The following CTC1 variants were observed in gnomAD, a reference collection of about 807,000 sequenced individuals.
CTC1 encodes CST complex subunit CTC1.
In CTC1, 91 loss-of-function variants were observed where a neutral mutation model predicts 136.3. The ratio of observed to expected loss-of-function variants is 0.67; its 90% CI spans 0.56 to 0.79. The LOEUF (loss-of-function observed/expected upper bound fraction) is 0.79. Ranked by LOEUF, CTC1 falls within the 30% of genes least tolerant of loss-of-function variation. CTC1 has a pLI of 0.00. For missense variants in CTC1, 1,432 were observed against 1,498.1 expected (o/e 0.96, Z 0.73); for synonymous variants, 606 against 613.8 (o/e 0.99, Z 0.19).
rs949894182 is a variant in CTC1, at chr17:8,226,332, A to T, written c.*1848T>A. On this transcript the variant is annotated 3_prime_UTR_variant, in exon 23 of 23. Transcript: ENST00000651323. ...CCGAAGCTGCCATAAAGGTTCCTGAAATTCATCTACAAGAATATAGAGCTA... is the reference window on the plus strand; with the variant it reads ...CCGAAGCTGCCATAAAGGTTCCTGATATTCATCTACAAGAATATAGAGCTA... The T allele has an allele frequency of 6.6e-6, 1 of 152,150 alleles. No individual in the cohort carries two copies. Among genetic ancestry groups the T allele is most frequent in the Non-Finnish European group, 1.5e-5 (1 of 68,032 alleles). 9.4% of individuals were successfully genotyped at this position (152,150 alleles called of 1,614,324 possible). A position where few individuals can be genotyped will look rare whatever the true frequency, so the allele number is the denominator to read the frequency against.
intron 2 of CTC1, among the ~76,000 whole-genome samples, chr17:8,240,380 T>C (rs1173100380): frequency 6.6e-6 from 1 of 151,084 alleles, no homozygotes; most frequent in African/African-American, 2.4e-5. Context: ...GGTCTCGAAC[T>C]CTTGACCCCG....
intron 5 of CTC1, among the ~76,000 whole-genome samples, chr17:8,236,680 T>A (rs990491073): frequency 6.6e-6 from 1 of 152,160 alleles, no homozygotes; most frequent in Admixed American, 6.6e-5. Flanking sequence ...TATATATGTA[T>A]CCAGTATTGT....
chr17:8,236,435 C>G, intron 5 of CTC1, 93 bp from the exon 6 acceptor site: 3 of 1,351,436 alleles, frequency 2.2e-6, no homozygotes, highest in Non-Finnish European at 3.0e-6. Flanking sequence ...AACTCAGAGA[C>G]CTGCCCTCTG....
intron 1 of CTC1, among the ~76,000 whole-genome samples, chr17:8,245,684 T>C (rs1211891083): frequency 6.6e-6 from 1 of 152,122 alleles, no homozygotes; most frequent in Non-Finnish European, 1.5e-5. Flanking sequence ...TCGCCTGTAA[T>C]CCCAGCACTC....
In CTC1 at chr17:8,236,173, T is replaced by C; in HGVS notation, c.962A>G (p.Glu321Gly). 1 of 1,614,100 alleles carries C rather than the reference T, an allele frequency of 6.2e-7. No homozygotes were observed. Among genetic ancestry groups the C allele is most frequent in the Non-Finnish European group, 8.5e-7 (1 of 1,179,984 alleles). ...KPECVQELELELEGPLLEADP... is the reference protein window; with the variant it reads ...KPECVQELELGLEGPLLEADP... ...AGCCTCTAAGAGGGGTCCTTCCAGC[T>C]CCAGTTCCAGCTCCTGCACACATTC... is the stretch of plus-strand genomic sequence containing the variant. The change falls in exon 6 of 23, where the codon GAG (glutamate) becomes GGG (glycine). Residue 321 changes from glutamate to glycine, a missense_variant. By Grantham distance (98) the Glu-to-Gly change is moderately conservative. Coordinates refer to ENST00000651323, the MANE Select transcript of CTC1 (RefSeq NM_025099.6).
At chr17:8,237,774 T>A (rs550270646) in intron 4 of CTC1, among the ~76,000 whole-genome samples, 1 of 147,888 alleles carries the variant, frequency 6.8e-6, no homozygotes, top group South Asian at 2.2e-4. Context: ...AAGAATAACC[T>A]GGTAATGATA....
chr17:8,230,989 A>T (rs1987167132), intron 15 of CTC1: 1 of 481,170 alleles, frequency 2.1e-6, no homozygotes, highest in African/African-American at 1.9e-5. Context: ...ATACAAAAAA[A>T]CTAGCTGGGT....
chr17:8,236,726 C>T (rs541817173), intron 5 of CTC1, among the ~76,000 whole-genome samples: 212 of 152,292 alleles, frequency 1.4e-3, no homozygotes, highest in African/African-American at 4.9e-3. Context: ...AACTGTTCTT[C>T]TCTAACACAG....
At chr17:8,240,547 GAAA>G (rs1054367112) in intron 2 of CTC1, among the ~76,000 whole-genome samples, 1 of 150,860 alleles carries the variant, frequency 6.6e-6, no homozygotes, top group Non-Finnish European at 1.5e-5. Context: ...TGATAAAAAG[GAAA>G]AAAAACAAAA....
chr17:8,243,627 G>A (rs903136362), intron 1 of CTC1, among the ~76,000 whole-genome samples: 4 of 152,178 alleles, frequency 2.6e-5, no homozygotes, highest in African/African-American at 7.2e-5. Flanking sequence ...CAGCCATACC[G>A]TAGACAGCTG....
At position 8,228,718 on chromosome 17, in the gene CTC1, A is replaced by AC; in HGVS notation, c.3387+8dup. 1 of 1,614,046 alleles carries AC rather than the reference A, an allele frequency of 6.2e-7. No individual in the cohort carries two copies. Among genetic ancestry groups the AC allele is most frequent in the Non-Finnish European group, 8.5e-7 (1 of 1,179,968 alleles). On this transcript the variant is annotated intron_variant, in intron 21 of 22. Transcript: ENST00000651323. ...GTATCCGAGTCCCTCCCTCCCAGCCACATTACACCTCAAGTTGGGCTCCAG... is the reference window on the plus strand; with the variant it reads ...GTATCCGAGTCCCTCCCTCCCAGCCACCATTACACCTCAAGTTGGGCTCCAG...
In CTC1 at chr17:8,230,460, C is replaced by A. The variant is rs771646414; in HGVS notation, c.2767G>T (p.Gly923Trp). 46 of 1,613,810 alleles carry A rather than the reference C, an allele frequency of 2.9e-5. No homozygotes were observed. Among genetic ancestry groups the A allele is most frequent in the African/African-American group, 2.8e-4 (21 of 74,910 alleles). ...AGCTTCACACACCTTCTCATGGCCCCCGTGTTCCCTATAGAAGGAAGGTGG... is the reference window on the plus strand; with the variant it reads ...AGCTTCACACACCTTCTCATGGCCCACGTGTTCCCTATAGAAGGAAGGTGG... ...ASLWMKLGNT[G>W]AMRRCVKLTV... The change falls in exon 17 of 23, where the codon GGG (glycine) becomes TGG (tryptophan). Residue 923 changes from glycine (G) to tryptophan (W), a missense_variant. Physicochemically the swap from Gly to Trp is radical, Grantham distance 184. Coordinates refer to ENST00000651323, the MANE Select transcript of CTC1 (RefSeq NM_025099.6).
chr17:8,231,388 T>C lies in CTC1; in HGVS notation c.2557A>G (p.Thr853Ala), dbSNP rs758218109. 56 of 1,613,590 alleles carry C rather than the reference T, an allele frequency of 3.5e-5. No homozygotes were observed. Among genetic ancestry groups the C allele is most frequent in the Non-Finnish European group, 4.6e-5 (54 of 1,179,662 alleles). The change falls in exon 15 of 23, where the codon ACT (threonine) becomes GCT (alanine). Residue 853 changes from threonine to alanine, a missense_variant. Coordinates refer to ENST00000651323, the MANE Select transcript of CTC1 (RefSeq NM_025099.6). The stretch of plus-strand genomic sequence containing the variant: ...TCCAGAGTCCAGTTGTCCTGGACAG[T>C]GAGGCAGGATGCACAGCCAGCCAAC... Reference protein sequence around the residue: ...LELAGCASCLTVQDNWTLELE... With the variant: ...LELAGCASCLAVQDNWTLELE...
intron 1 of CTC1, among the ~76,000 whole-genome samples, chr17:8,244,399 G>A (rs1031638191): frequency 2.0e-5 from 3 of 152,158 alleles, no homozygotes; most frequent in Non-Finnish European, 4.4e-5. Flanking sequence ...CCCAGTGCTA[G>A]GCAGCTTTAA....
chr17:8,237,664 TCAAAAAAAAAAAAA>T (rs1411038266), intron 4 of CTC1, 145 bp from the exon 5 acceptor site: 1 of 24,428 alleles, frequency 4.1e-5, no homozygotes. Context: ...AAACTACGTC[TCAAAAAAAAAAAAA>T]AAAAAAAAAA....
At chr17:8,247,781 T>A (rs996232660) in intron 1 of CTC1, 5 of 579,732 alleles carry the variant, frequency 8.6e-6, no homozygotes, top group Non-Finnish European at 1.3e-5. Context: ...CCCTAGAGAG[T>A]GAACGGAGAC....
At chr17:8,231,197 T>A in intron 15 of CTC1, 79 bp downstream of exon 15, 1 of 1,121,154 alleles carries the variant, frequency 8.9e-7, no homozygotes, top group Non-Finnish European at 1.3e-6. Context: ...CAGCAGAAAA[T>A]GAAGTCTTCA....
intron 2 of CTC1, among the ~76,000 whole-genome samples, chr17:8,242,553 A>ATATAT (rs1555536344): frequency 1.7e-5 from 1 of 60,398 alleles, no homozygotes; most frequent in Non-Finnish European, 3.3e-5. Flanking sequence ...AAAAAAAAAA[A>ATATAT]ATATATATAT....
At chr17:8,242,054 G>C (rs1198470632) in intron 2 of CTC1, among the ~76,000 whole-genome samples, 1 of 151,228 alleles carries the variant, frequency 6.6e-6, no homozygotes, top group Non-Finnish European at 1.5e-5. Context: ...TTTAAATATG[G>C]AGTTTCGCTC....
Sources: gnomAD v4.1 joint callset for allele counts (sites outside exome capture counted in the v4.1 genomes callset) on GRCh38, gnomAD v4.1.1 for gene constraint, MANE v1.5 for transcripts, NCBI Gene and HGNC (gene_info 2026-07-23, HGNC 2026-07-21) for gene names.